The following GPR158 variants were observed in gnomAD, a reference collection of about 807,000 sequenced individuals.
GPR158 encodes the protein G protein-coupled receptor 158.
Under a neutral mutation model 78.2 loss-of-function variants are expected in GPR158, and 30 were observed. The observed-to-expected ratio is 0.38, with a 90% CI of 0.29 to 0.52. The LOEUF (loss-of-function observed/expected upper bound fraction) is 0.52, where lower values mean the gene tolerates loss of function less well. Among genes scored for constraint, GPR158 ranks in the 20% least tolerant of loss-of-function variants. The pLI is 0.83. For synonymous variants in GPR158, 581 were observed against 591.1 expected (o/e 0.98, Z 0.25); for missense variants, 1,463 against 1,523.5 (o/e 0.96, Z 0.66).
chr10:25,452,424 A>G (rs995674553), intron 4 of GPR158, among the ~76,000 whole-genome samples: 2 of 152,244 alleles, frequency 1.3e-5, no homozygotes, highest in African/African-American at 2.4e-5. Context: ...AAAAAGAAAC[A>G]GAAAAAACTA....
At chr10:25,565,297 T>A (rs1322902169) in intron 6 of GPR158, among the ~76,000 whole-genome samples, 1 of 152,194 alleles carries the variant, frequency 6.6e-6, no homozygotes, top group Non-Finnish European at 1.5e-5. Context: ...ACCAACTGAA[T>A]AATAGTGATA....
chr10:25,541,487 A>G (rs1014234549), intron 5 of GPR158, among the ~76,000 whole-genome samples: 1 of 152,034 alleles, frequency 6.6e-6, no homozygotes, highest in Non-Finnish European at 1.5e-5. Context: ...CACCAAAATC[A>G]TGAAGAGATT....
At chr10:25,250,968 CAGGACTT>C (rs1172827773) in intron 2 of GPR158, among the ~76,000 whole-genome samples, 1 of 151,294 alleles carries the variant, frequency 6.6e-6, no homozygotes, top group Non-Finnish European at 1.5e-5. Context: ...GTAGGTCACT[CAGGACTT>C]GCTTTATGAA....
intron 2 of GPR158, among the ~76,000 whole-genome samples, chr10:25,355,796 A>G (rs114815781): frequency 0.017 from 2,650 of 152,096 alleles, 67 homozygotes; most frequent in African/African-American, 0.052. Context: ...GTGGGTTTCA[A>G]AGGTGATATC....
rs1469702408 is a variant in GPR158 at position 25,472,248 on chromosome 10, G to C, written c.1404+5529G>C. Among the ~76,000 whole-genome samples the C allele has an allele frequency of 9.2e-5, 14 of 151,996 alleles. No individual in the cohort carries two copies. The Middle Eastern group carries it at 0.014, about 148-fold the overall frequency. ...CTTTCCCCATTTCTTGTTTTTGTCAGGTTTGTCAAAGATCAGATGGTTGTA... is the reference window on the plus strand; with the variant it reads ...CTTTCCCCATTTCTTGTTTTTGTCACGTTTGTCAAAGATCAGATGGTTGTA... On this transcript the variant is annotated intron_variant, in intron 5 of 10. Transcript: ENST00000376351.
At position 25,227,274 on chromosome 10, in the gene GPR158, C is replaced by T. The variant is rs116504749; in HGVS notation, c.1008+6117C>T. The stretch of plus-strand genomic sequence containing the variant: ...GAGCCAAGCGTTCACCAGTGGCTAT[C>T]GCCATCTTGTGGTTGGGGGAAAGAG... On this transcript the variant is annotated intron_variant, in intron 2 of 10. Coordinates refer to ENST00000376351, the MANE Select transcript of GPR158 (RefSeq NM_020752.3). 6.9e-3 allele frequency among the ~76,000 whole-genome samples: 1,045 copies of T among 152,252 alleles called. 9 individuals carry two copies. The highest frequency in any genetic ancestry group is 0.024 in the African/African-American group (995 of 41,532).
chr10:25,362,400 ATTT>A (rs773089913), intron 2 of GPR158, among the ~76,000 whole-genome samples: 5 of 151,054 alleles, frequency 3.3e-5, no homozygotes, highest in Non-Finnish European at 5.9e-5. Flanking sequence ...AATTCTCTAA[ATTT>A]TTTTTTCTTC....
intron 2 of GPR158, among the ~76,000 whole-genome samples, chr10:25,350,961 A>C (rs1302473272): frequency 6.6e-6 from 1 of 151,990 alleles, no homozygotes; most frequent in Non-Finnish European, 1.5e-5. Context: ...ACTATAGATA[A>C]ATGATTTAAA....
At chr10:25,219,350 A>T (rs928361013) in intron 1 of GPR158, among the ~76,000 whole-genome samples, 2 of 152,214 alleles carry the variant, frequency 1.3e-5, no homozygotes, top group African/African-American at 4.8e-5. Flanking sequence ...GACGATAAAA[A>T]TTTGTTGAAA....
intron 4 of GPR158, among the ~76,000 whole-genome samples, chr10:25,419,185 T>G (rs1834711842): frequency 6.6e-6 from 1 of 152,142 alleles, no homozygotes; most frequent in Admixed American, 6.5e-5. Flanking sequence ...TAACCTCTCT[T>G]CTACTTTCTG....
chr10:25,353,647 G>A (rs915308086), intron 2 of GPR158, among the ~76,000 whole-genome samples: 6 of 151,984 alleles, frequency 3.9e-5, no homozygotes, highest in Non-Finnish European at 7.4e-5. Flanking sequence ...CTGCAGAGCG[G>A]CTAAAAAATG....
intron 2 of GPR158, among the ~76,000 whole-genome samples, chr10:25,351,710 CTT>C (rs66582925): frequency 0.059 from 7,941 of 135,368 alleles, 469 homozygotes; most frequent in African/African-American, 0.16. Flanking sequence ...GTTTTTCTTT[CTT>C]TTTTTTTTTT....
rs776585460 is a variant in GPR158, at chr10:25,598,670, C to T, written c.3044C>T (p.Thr1015Ile). ...TGTCCTTGGGAGGTTTATGACCTGA[C>T]CCCTGGTCCTGTGCCTTCAGAATCA... ...EVCPWEVYDLTPGPVPSESKV... is the reference protein window; with the variant it reads ...EVCPWEVYDLIPGPVPSESKV... Residue 1015 changes from threonine to isoleucine, a missense_variant, in exon 11 of 11, where the codon ACC (threonine) becomes ATC (isoleucine). Transcript: ENST00000376351. 5.4e-5 allele frequency: 87 copies of T among 1,613,796 alleles called. No homozygotes were observed. Among genetic ancestry groups the T allele is most frequent in the Non-Finnish European group, 7.2e-5 (85 of 1,179,950 alleles).
At chr10:25,401,821 T>C (rs560819439) in intron 3 of GPR158, among the ~76,000 whole-genome samples, 59 of 152,226 alleles carry the variant, frequency 3.9e-4, no homozygotes, top group Non-Finnish European at 7.5e-4. Context: ...GTAATTTTTG[T>C]TTTCTTTTTG....
chr10:25,334,860 T>A (rs1226495618), intron 2 of GPR158, among the ~76,000 whole-genome samples: 1 of 152,018 alleles, frequency 6.6e-6, no homozygotes, highest in Non-Finnish European at 1.5e-5. Flanking sequence ...CCATCCTACT[T>A]GTTTCCATGT....
At chr10:25,378,146 C>T (rs1366410177) in intron 2 of GPR158, among the ~76,000 whole-genome samples, 1 of 152,072 alleles carries the variant, frequency 6.6e-6, no homozygotes, top group African/African-American at 2.4e-5. Context: ...CAGAATAGTG[C>T]ACAAACTTAA....
chr10:25,363,023 T>G (rs1220713687), intron 2 of GPR158, among the ~76,000 whole-genome samples: 2 of 151,938 alleles, frequency 1.3e-5, no homozygotes, highest in African/African-American at 2.4e-5. Context: ...TTACATCATT[T>G]TTTTCTGCTA....
At chr10:25,356,515 G>A (rs1005481326) in intron 2 of GPR158, among the ~76,000 whole-genome samples, 2 of 152,044 alleles carry the variant, frequency 1.3e-5, no homozygotes, top group Non-Finnish European at 2.9e-5. Flanking sequence ...GGACCAGGTG[G>A]GAGATGATTG....
Position 25,181,697 on chromosome 10 carries a change from C to A in GPR158, c.902+5375C>A, listed in dbSNP as rs543742728. ...CCTAAAGGTCCATGATTATGCACAT[C>A]ATTCAATATGTCACTTTATTTTATT... On this transcript the variant is annotated intron_variant, in intron 1 of 10. Coordinates refer to ENST00000376351, the MANE Select transcript of GPR158 (RefSeq NM_020752.3). 5.3e-5 allele frequency among the ~76,000 whole-genome samples: 8 copies of A among 152,256 alleles called. 1 individual carries two copies. The highest frequency in any genetic ancestry group is 4.2e-4 in the South Asian group (2 of 4,816).
Sources: allele counts gnomAD v4.1 joint callset (sites outside exome capture counted in the v4.1 genomes callset), GRCh38; gene constraint gnomAD v4.1.1; transcripts MANE v1.5; gene names NCBI Gene and HGNC (gene_info 2026-07-23, HGNC 2026-07-21).